The following ZNF98 variants were observed in gnomAD, a reference collection of about 807,000 sequenced individuals.
ZNF98 encodes the protein zinc finger protein 98, also known as zinc finger protein 739.
ZNF98 carries 8 observed loss-of-function variants against 12.8 expected under a neutral mutation model. The observed-to-expected ratio is 0.63, with a 90% confidence interval of 0.37 to 1.13. The LOEUF is 1.13. Ranked by LOEUF, ZNF98 falls within the 50% of genes most tolerant of loss-of-function variation. The probability of loss-of-function intolerance (pLI) is 0.01; values close to 1 mark genes in which losing one functional copy is unlikely to be tolerated. For synonymous variants in ZNF98, 112 were observed against 223.5 expected, an observed-to-expected ratio of 0.50 and a Z score of 4.45; for missense variants, 379 against 666.1, an observed-to-expected ratio of 0.57 and a Z score of 4.74.
chr19:22,411,535 G>A (rs1482343169), intron 1 of ZNF98, among the ~76,000 whole-genome samples: 8 of 152,000 alleles, frequency 5.3e-5, no homozygotes, highest in Admixed American at 2.6e-4. Flanking sequence ...TTTAATGACC[G>A]AAAATTAAAA....
Position 22,392,663 on chromosome 19 carries a change from A to G in ZNF98, c.572T>C (p.Phe191Ser). ...SFKCKECEKS[F>S]CMLSHLAQHK... ...TTGAGCTAAGTGTGAAAGCATGCAA[A>G]ATGACTTTTCACATTCTTTACACTT... Residue 191 changes from phenylalanine (F) to serine (S), a missense_variant, in exon 4 of 4, where the codon TTT becomes TCT. Physicochemically the swap from Phe to Ser is radical, Grantham distance 155. Around this residue, in one of 8 missense-constraint regions of ZNF98, gnomAD observed 223 missense variants for 261.6 expected, o/e 0.85. Transcript: ENST00000357774. The G allele has an allele frequency of 6.3e-7, 1 of 1,593,714 alleles. No homozygotes were observed. The highest frequency in any genetic ancestry group is 8.6e-7 in the Non-Finnish European group (1 of 1,168,862).
At chr19:22,394,758 G>A (rs996072941) in intron 3 of ZNF98, among the ~76,000 whole-genome samples, 4 of 152,054 alleles carry the variant, frequency 2.6e-5, no homozygotes, top group Admixed American at 6.5e-5. Flanking sequence ...ATAACTGCAC[G>A]CTGGGCACAT....
chr19:22,407,868 G>C (rs555709013), intron 1 of ZNF98, among the ~76,000 whole-genome samples: 1 of 151,782 alleles, frequency 6.6e-6, no homozygotes, highest in African/African-American at 2.4e-5. Context: ...ACAGGAGTTC[G>C]AGACCAGCCT....
intron 1 of ZNF98, among the ~76,000 whole-genome samples, chr19:22,414,853 T>C (rs1443247644): frequency 1.3e-5 from 2 of 152,022 alleles, no homozygotes; most frequent in Admixed American, 6.6e-5. Context: ...CCAGAAGCAA[T>C]TGCAACAAAA....
rs370742955 is a variant in ZNF98 at position 22,403,380 on chromosome 19, C to A, written c.157+6G>T. The A allele has an allele frequency of 2.0e-6, 3 of 1,532,464 alleles. No individual in the cohort carries two copies. The highest frequency in any genetic ancestry group is 2.7e-6 in the Non-Finnish European group (3 of 1,117,888). The allele number at this position is 1,532,464 out of a possible 1,614,324, so 94.9% of individuals were successfully genotyped here. A position where few individuals can be genotyped will look rare whatever the true frequency, so the allele number is the denominator to read the frequency against. On this transcript the variant is annotated splice_donor_region_variant and intron_variant, in intron 2 of 3. Transcript: ENST00000357774. ...TTAGGGAATTGTATATTGAAGTTAT[C>A]CTCACCCACAAAGACCAGGTTTCTG...
intron 3 of ZNF98, among the ~76,000 whole-genome samples, chr19:22,400,278 C>T (rs1176053259): frequency 2.0e-5 from 3 of 152,168 alleles, no homozygotes; most frequent in African/African-American, 7.2e-5. Flanking sequence ...AGTTTTATCA[C>T]CCTGAGCCAC....
intron 1 of ZNF98, among the ~76,000 whole-genome samples, chr19:22,412,188 A>C (rs540553447): frequency 1.3e-5 from 2 of 152,310 alleles, no homozygotes; most frequent in Non-Finnish European, 2.9e-5. Flanking sequence ...AACAATCCTC[A>C]ACAAATTTAA....
At chr19:22,415,498 C>T (rs922875501) in intron 1 of ZNF98, among the ~76,000 whole-genome samples, 7 of 151,934 alleles carry the variant, frequency 4.6e-5, no homozygotes, top group African/African-American at 1.7e-4. Flanking sequence ...TATGGCTGGC[C>T]ATGATGGCTC....
At position 22,403,379 on chromosome 19, in the gene ZNF98, T is replaced by G. The variant is rs1969483250; in HGVS notation, c.157+7A>C. On this transcript the variant is annotated splice_region_variant and intron_variant, in intron 2 of 3. Coordinates refer to ENST00000357774, the MANE Select transcript of ZNF98 (RefSeq NM_001098626.2). ...ATTAGGGAATTGTATATTGAAGTTA[T>G]CCTCACCCACAAAGACCAGGTTTCT... 1.3e-6 allele frequency: 2 copies of G among 1,531,942 alleles called. No individual in the cohort carries two copies. The highest frequency in any genetic ancestry group is 1.9e-5 in the Admixed American group (1 of 51,672). The allele number at this position is 1,531,942 out of a possible 1,614,324, so 94.9% of individuals were successfully genotyped here. A position where few individuals can be genotyped will look rare whatever the true frequency, so the allele number is the denominator to read the frequency against.
At chr19:22,399,883 C>A (rs1969437295) in intron 3 of ZNF98, among the ~76,000 whole-genome samples, 1 of 152,128 alleles carries the variant, frequency 6.6e-6, no homozygotes. Context: ...TGCTTTAGGA[C>A]AGAACTTCAA....
At chr19:22,412,835 G>A (rs1599389764) in intron 1 of ZNF98, among the ~76,000 whole-genome samples, 3 of 151,690 alleles carry the variant, frequency 2.0e-5, no homozygotes, top group African/African-American at 7.3e-5. Flanking sequence ...GGAGTATCAC[G>A]AGGTCAGGAG....
At chr19:22,400,952 C>CA (rs1555703963) in intron 3 of ZNF98, among the ~76,000 whole-genome samples, 1 of 95,410 alleles carries the variant, frequency 1.0e-5, no homozygotes, top group Non-Finnish European at 2.2e-5. Context: ...GACACTGTCT[C>CA]AAAAAACAAA....
At chr19:22,411,723 TAAAC>T (rs1333822986) in intron 1 of ZNF98, among the ~76,000 whole-genome samples, 2 of 152,194 alleles carry the variant, frequency 1.3e-5, no homozygotes, top group Non-Finnish European at 2.9e-5. Context: ...AAAACAGAGA[TAAAC>T]AAAATATCCT....
At chr19:22,421,451 C>CA (rs1468351924) in intron 1 of ZNF98, among the ~76,000 whole-genome samples, 2 of 152,128 alleles carry the variant, frequency 1.3e-5, no homozygotes, top group Non-Finnish European at 2.9e-5. Context: ...GAGGTGGCTC[C>CA]AATCCCTGGA....
chr19:22,421,513 T>C (rs1568297947), intron 1 of ZNF98, among the ~76,000 whole-genome samples: 2 of 152,144 alleles, frequency 1.3e-5, no homozygotes, highest in South Asian at 2.1e-4. Context: ...TAGAAATTAC[T>C]ACATTGGGGG....
At chr19:22,418,449 C>A (rs1969668804) in intron 1 of ZNF98, among the ~76,000 whole-genome samples, 1 of 152,206 alleles carries the variant, frequency 6.6e-6, no homozygotes, top group African/African-American at 2.4e-5. Context: ...TAATAAAATT[C>A]TCTATCCTTT....
intron 1 of ZNF98, among the ~76,000 whole-genome samples, chr19:22,409,703 G>C (rs1366779005): frequency 6.6e-6 from 1 of 152,016 alleles, no homozygotes; most frequent in East Asian, 1.9e-4. Context: ...TTTAAGGCCA[G>C]GAGTTCTAGA....
chr19:22,419,596 C>A (rs571132981), intron 1 of ZNF98, among the ~76,000 whole-genome samples: 1 of 152,298 alleles, frequency 6.6e-6, no homozygotes, highest in Non-Finnish European at 1.5e-5. Flanking sequence ...TACTTAAACA[C>A]AATGTTCATA....
intron 3 of ZNF98, 73 bp from the exon 4 acceptor site, chr19:22,393,054 T>C: frequency 1.5e-6 from 2 of 1,370,402 alleles, no homozygotes; most frequent in Non-Finnish European, 1.9e-6. Context: ...ATCTAACCTA[T>C]AAAATTATAC....
Sources: gnomAD v4.1 joint callset for allele counts (sites outside exome capture counted in the v4.1 genomes callset) on GRCh38, gnomAD v4.1.1 for gene constraint, gnomAD v4.1.1 regional missense constraint, MANE v1.5 for transcripts, NCBI Gene and HGNC (gene_info 2026-07-23, HGNC 2026-07-21) for gene names.